ANTXR1: variants seen among roughly 807,000 people sequenced by gnomAD.
The protein encoded by ANTXR1 is ANTXR cell adhesion molecule 1.
Under a neutral mutation model 78.1 loss-of-function variants are expected in ANTXR1, and 19 were observed. That is an observed-to-expected ratio of 0.24 (90% confidence interval 0.17 to 0.36). The LOEUF (loss-of-function observed/expected upper bound fraction) is 0.36. ANTXR1 is among the 10% of genes least tolerant of loss of function. The probability of loss-of-function intolerance (pLI) is 1.00; values close to 1 mark genes in which losing one functional copy is unlikely to be tolerated. For missense variants in ANTXR1, 518 were observed against 718.6 expected, an observed-to-expected ratio of 0.72 and a Z score of 3.19; for synonymous variants, 273 against 260.5, an observed-to-expected ratio of 1.05 and a Z score of -0.46.
intron 12 of ANTXR1, among the ~76,000 whole-genome samples, chr2:69,125,297 T>C (rs915803162): frequency 1.3e-5 from 2 of 152,186 alleles, no homozygotes; most frequent in African/African-American, 2.4e-5. Context: ...GTAGTTTTCA[T>C]TCCTGGCTAT....
intron 12 of ANTXR1, among the ~76,000 whole-genome samples, chr2:69,132,890 C>T (rs1199743300): frequency 6.6e-6 from 1 of 152,204 alleles, no homozygotes; most frequent in Non-Finnish European, 1.5e-5. Flanking sequence ...GCTTACAATA[C>T]AGTTGCCAAG....
intron 16 of ANTXR1, among the ~76,000 whole-genome samples, chr2:69,191,754 C>T (rs760078499): frequency 3.3e-5 from 5 of 152,188 alleles, no homozygotes; most frequent in African/African-American, 4.8e-5. Context: ...TAAATTAAAG[C>T]GCTTTCACCA....
At chr2:69,068,194 G>A (rs1670460200) in intron 3 of ANTXR1, among the ~76,000 whole-genome samples, 1 of 152,192 alleles carries the variant, frequency 6.6e-6, no homozygotes, top group Admixed American at 6.5e-5. Context: ...AGGCACTGTA[G>A]TAGGCACAGA....
chr2:69,216,099 A>C (rs4854553), intron 17 of ANTXR1, among the ~76,000 whole-genome samples: 52,410 of 152,048 alleles, frequency 0.34, 10,108 homozygotes, highest in East Asian at 0.69. Flanking sequence ...GGAGGTGAAA[A>C]GGAAGTGGCA....
chr2:69,219,492 G>A (rs1406511757), intron 17 of ANTXR1, among the ~76,000 whole-genome samples: 1 of 150,806 alleles, frequency 6.6e-6, no homozygotes, highest in African/African-American at 2.4e-5. Flanking sequence ...GTTCTTTTAT[G>A]CATTCACCAT....
intron 3 of ANTXR1, among the ~76,000 whole-genome samples, chr2:69,059,309 T>G (rs1356058042): frequency 6.6e-6 from 1 of 152,196 alleles, no homozygotes; most frequent in Non-Finnish European, 1.5e-5. Flanking sequence ...ATTGTTGTCT[T>G]ATTTTTAAAA....
chr2:69,099,188 C>A (rs1252797325), intron 9 of ANTXR1, among the ~76,000 whole-genome samples: 5 of 152,160 alleles, frequency 3.3e-5, no homozygotes, highest in African/African-American at 1.2e-4. Context: ...TCTGGACATA[C>A]CTTATAAAGG....
intron 17 of ANTXR1, among the ~76,000 whole-genome samples, chr2:69,238,982 C>T (rs544218922): frequency 2.6e-4 from 39 of 152,288 alleles, no homozygotes; most frequent in Admixed American, 2.3e-3. Context: ...ACTGGCAAGT[C>T]TTTTGCACAC....
At chr2:69,014,491 G>T (rs1373581810) in intron 1 of ANTXR1, among the ~76,000 whole-genome samples, 1 of 152,144 alleles carries the variant, frequency 6.6e-6, no homozygotes, top group Non-Finnish European at 1.5e-5. Flanking sequence ...TGCAAAAAGT[G>T]GTTAGGCTTT....
At chr2:69,054,022 G>A (rs759136427) in intron 3 of ANTXR1, among the ~76,000 whole-genome samples, 48 of 152,134 alleles carry the variant, frequency 3.2e-4, no homozygotes, top group Non-Finnish European at 4.9e-4. Flanking sequence ...ATATATATGC[G>A]TATGTGTTTA....
At position 69,246,256 on chromosome 2, in the gene ANTXR1, A is replaced by T; in HGVS notation, c.*771A>T. 1 of 152,368 alleles carries T rather than the reference A, an allele frequency of 6.6e-6. No individual in the cohort carries two copies. 9.4% of individuals were successfully genotyped at this position (152,368 alleles called of 1,614,324 possible). A position where few individuals can be genotyped will look rare whatever the true frequency, so the allele number is the denominator to read the frequency against. ...AAACCCACAGGCCATCAGCAGCTAG[A>T]GGTGGCTGGCTTTGGCCAGACATGG... On this transcript the variant is annotated 3_prime_UTR_variant, in exon 18 of 18. Coordinates refer to ENST00000303714, the MANE Select transcript of ANTXR1 (RefSeq NM_032208.3).
intron 1 of ANTXR1, among the ~76,000 whole-genome samples, chr2:69,025,186 A>G (rs922123617): frequency 6.6e-6 from 1 of 152,138 alleles, no homozygotes; most frequent in East Asian, 1.9e-4. Context: ...TGAGACGATT[A>G]CTAGTGCATG....
At chr2:69,020,106 T>C (rs1671140767) in intron 1 of ANTXR1, among the ~76,000 whole-genome samples, 1 of 152,180 alleles carries the variant, frequency 6.6e-6, no homozygotes, top group African/African-American at 2.4e-5. Flanking sequence ...AGTAAAGTGA[T>C]TGGTGGGTCG....
At chr2:69,113,818 A>T (rs1015619879) in intron 10 of ANTXR1, among the ~76,000 whole-genome samples, 13 of 152,364 alleles carry the variant, frequency 8.5e-5, no homozygotes, top group African/African-American at 2.9e-4. Context: ...GTGAAAACAA[A>T]GCTTTGCAAA....
At position 69,245,506 on chromosome 2, in the gene ANTXR1, G is replaced by T. The variant is rs755132706; in HGVS notation, c.*21G>T. 2 of 1,613,122 alleles carry T rather than the reference G, an allele frequency of 1.2e-6. No individual in the cohort carries two copies. The highest frequency in any genetic ancestry group is 1.7e-5 in the Admixed American group (1 of 59,898). On this transcript the variant is annotated 3_prime_UTR_variant, in exon 18 of 18. Coordinates refer to ENST00000303714, the MANE Select transcript of ANTXR1 (RefSeq NM_032208.3). ...TCTAGAGCCCAAAGTTCCTGCTCTGGGCTCTCTCAGAAACTTCAGGAGATG... is the reference window on the plus strand; with the variant it reads ...TCTAGAGCCCAAAGTTCCTGCTCTGTGCTCTCTCAGAAACTTCAGGAGATG...
At chr2:69,225,442 C>A (rs912720213) in intron 17 of ANTXR1, among the ~76,000 whole-genome samples, 1 of 152,126 alleles carries the variant, frequency 6.6e-6, no homozygotes, top group Non-Finnish European at 1.5e-5. Flanking sequence ...ATCATGACAC[C>A]GCACTCTAGC....
chr2:69,052,624 G>A (rs1264952845), intron 3 of ANTXR1, among the ~76,000 whole-genome samples: 2 of 151,934 alleles, frequency 1.3e-5, no homozygotes, highest in Non-Finnish European at 2.9e-5. Flanking sequence ...AAAGTACTTT[G>A]TGTAGTACTT....
intron 3 of ANTXR1, among the ~76,000 whole-genome samples, chr2:69,059,638 C>CA (rs1670173015): frequency 6.6e-6 from 1 of 152,142 alleles, no homozygotes; most frequent in Non-Finnish European, 1.5e-5. Flanking sequence ...GCCACTATGC[C>CA]CGGCTAATTT....
At chr2:69,165,697 G>A (rs542258111) in intron 13 of ANTXR1, among the ~76,000 whole-genome samples, 17 of 152,364 alleles carry the variant, frequency 1.1e-4, no homozygotes, top group Non-Finnish European at 1.8e-4. Context: ...CTGTGCAGCC[G>A]TCATCTGGTA....
Sources: allele counts gnomAD v4.1 joint callset (sites outside exome capture counted in the v4.1 genomes callset), GRCh38; gene constraint gnomAD v4.1.1; transcripts MANE v1.5; gene names NCBI Gene and HGNC (gene_info 2026-07-23, HGNC 2026-07-21).